IGSF23: variants seen among roughly 807,000 people sequenced by gnomAD.
IGSF23 encodes immunoglobulin superfamily, member 23.
A neutral mutation model predicts 17.8 loss-of-function variants in IGSF23; 14 were observed. That is an observed-to-expected ratio of 0.79 (90% CI 0.52 to 1.23). IGSF23 has a LOEUF of 1.23. Ranked by LOEUF, IGSF23 falls within the 50% of genes most tolerant of loss-of-function variation. The pLI, the probability that IGSF23 is intolerant of heterozygous loss-of-function variation, is 0.00. For missense variants in IGSF23, 214 were observed against 241.7 expected (o/e 0.89, Z 0.76); for synonymous variants, 85 against 92.5 (o/e 0.92, Z 0.46).
chr19:44,629,087 T>C (rs529769668), intron 3 of IGSF23, among the ~76,000 whole-genome samples: 8 of 151,382 alleles, frequency 5.3e-5, no homozygotes, highest in African/African-American at 1.9e-4. Context: ...AGAGAGGGAG[T>C]AGGGAGGCAG....
intron 1 of IGSF23, among the ~76,000 whole-genome samples, chr19:44,615,911 C>CGGGGGG (rs11423421): frequency 1.3e-5 from 1 of 77,540 alleles, no homozygotes; most frequent in Non-Finnish European, 2.6e-5. Flanking sequence ...TTCCTGGGGG[C>CGGGGGG]GGGAGGGTGG....
In IGSF23 at chr19:44,613,758, C is replaced by T. The variant is rs1395781513; in HGVS notation, c.113C>T (p.Pro38Leu). 5 of 1,550,510 alleles carry T rather than the reference C, an allele frequency of 3.2e-6. No homozygotes were observed. The Admixed American group carries it at 9.8e-5, about 30-fold the overall frequency. ...LEKDAAGGDF[P>L]ANLVLQLMPL... ...AAGGATGCGGCTGGAGGTGACTTCC[C>T]AGCCAACTTGGTGTAAGTCATGTGG... Residue 38 changes from proline (P) to leucine (L), a missense_variant, in exon 1 of 5, where the codon CCA (proline) becomes CTA (leucine). Physicochemically the swap from Pro to Leu is moderately conservative, Grantham distance 98. Coordinates refer to ENST00000402988, the MANE Select transcript of IGSF23 (RefSeq NM_001205280.2).
intron 2 of IGSF23, among the ~76,000 whole-genome samples, chr19:44,625,974 C>A (rs907139045): frequency 5.9e-5 from 9 of 152,180 alleles, no homozygotes; most frequent in Admixed American, 1.3e-4. Context: ...GTGAGGCCTC[C>A]CCAGCCATGT....
At position 44,635,458 on chromosome 19, in the gene IGSF23, C is replaced by T; in HGVS notation, c.*24C>T. ...GAAATGTGGGCAACTCTCCTGTCAG[C>T]TGAAGAGGTAATACCAGGAAGGGTG... On this transcript the variant is annotated 3_prime_UTR_variant, in exon 4 of 5. Transcript: ENST00000402988. The T allele has an allele frequency of 1.3e-6, 2 of 1,547,966 alleles. No individual in the cohort carries two copies. Among genetic ancestry groups the T allele is most frequent in the Non-Finnish European group, 1.7e-6 (2 of 1,145,370 alleles).
chr19:44,634,145 G>C (rs1017076684), intron 3 of IGSF23, among the ~76,000 whole-genome samples: 1 of 152,202 alleles, frequency 6.6e-6, no homozygotes, highest in African/African-American at 2.4e-5. Context: ...CTGTGGCGGG[G>C]GACAGACATT....
Position 44,635,470 on chromosome 19 carries a change from T to C in IGSF23, c.*31+5T>C, listed in dbSNP as rs1195185342. On this transcript the variant is annotated splice_donor_5th_base_variant and intron_variant, in intron 4 of 4. Coordinates refer to ENST00000402988, the MANE Select transcript of IGSF23 (RefSeq NM_001205280.2). ...ACTCTCCTGTCAGCTGAAGAGGTAA[T>C]ACCAGGAAGGGTGTGAAGGAAATCC... 1 of 1,544,174 alleles carries C rather than the reference T, an allele frequency of 6.5e-7. No homozygotes were observed.
At chr19:44,624,003 C>A (rs1403013100) in intron 2 of IGSF23, 31 bp downstream of exon 2, 2 of 1,521,524 alleles carry the variant, frequency 1.3e-6, no homozygotes, top group South Asian at 1.2e-5. Context: ...CACCCCACCC[C>A]ACCCAAGAGC....
chr19:44,633,034 G>A (rs755932058), intron 3 of IGSF23, among the ~76,000 whole-genome samples: 10 of 152,332 alleles, frequency 6.6e-5, no homozygotes, highest in Non-Finnish European at 1.0e-4. Context: ...AGTATAGGGC[G>A]TCTGGAAAAC....
At chr19:44,635,355 T>A (rs1351603509) in intron 3 of IGSF23, 46 bp from the exon 4 acceptor site, 3 of 1,346,040 alleles carry the variant, frequency 2.2e-6, no homozygotes, top group Non-Finnish European at 3.1e-6. Context: ...TTATTCTCTC[T>A]CTCTCTCTCT....
intron 2 of IGSF23, 42 bp from the exon 3 acceptor site, chr19:44,627,377 CG>C: frequency 6.9e-7 from 1 of 1,458,022 alleles, no homozygotes; most frequent in African/African-American, 1.4e-5. Flanking sequence ...ACAGGGAGGG[CG>C]GGCAGATGGC....
intron 3 of IGSF23, 31 bp from the exon 4 acceptor site, chr19:44,635,370 C>G (rs73936832): frequency 5.6e-6 from 5 of 898,490 alleles, no homozygotes; most frequent in Admixed American, 3.1e-5. Context: ...CTCTCTCTCT[C>G]TCTCTGTCTC....
rs977839532 is a variant in IGSF23, at chr19:44,623,966, C to T, written c.385C>T (p.Leu129=). The T allele has an allele frequency of 3.2e-6, 5 of 1,548,418 alleles. No homozygotes were observed. The African/African-American group carries it at 5.5e-5, about 17-fold the overall frequency. The change falls in exon 2 of 5, where the codon CTG becomes TTG. Residue 129 remains leucine (L), a synonymous_variant. Coordinates refer to ENST00000402988, the MANE Select transcript of IGSF23 (RefSeq NM_001205280.2). ...GGTCTCTGAGCCTGTAACCATCTCG[C>T]TGCCAAGTGAGTCCCCCATTCCACC... ...QLVSEPVTIS[L]PKPIMQPTEA...
At position 44,613,785 on chromosome 19, in the gene IGSF23, G is replaced by T; in HGVS notation, c.125+15G>T. ...GCCAACTTGGTGTAAGTCATGTGGG[G>T]AAGTGGCCAGGGTAGGGCATGGTCA... On this transcript the variant is annotated intron_variant, in intron 1 of 4. Coordinates refer to ENST00000402988, the MANE Select transcript of IGSF23 (RefSeq NM_001205280.2). 1.9e-6 allele frequency: 3 copies of T among 1,550,320 alleles called. No individual in the cohort carries two copies. The highest frequency in any genetic ancestry group is 2.6e-6 in the Non-Finnish European group (3 of 1,146,834).
intron 1 of IGSF23, 117 bp downstream of exon 1, chr19:44,613,887 T>C: frequency 1.3e-6 from 2 of 1,548,900 alleles, no homozygotes; most frequent in African/African-American, 2.7e-5. Flanking sequence ...CCATGTGTGA[T>C]GAGGAGACCT....
At position 44,632,819 on chromosome 19, in the gene IGSF23, T is replaced by C. The variant is rs183302151; in HGVS notation, c.546-2582T>C. Among the ~76,000 whole-genome samples the C allele has an allele frequency of 4.6e-5, 7 of 152,374 alleles. 1 individual carries two copies. Among genetic ancestry groups the C allele is most frequent in the African/African-American group, 1.4e-4 (6 of 41,598 alleles). On this transcript the variant is annotated intron_variant, in intron 3 of 4. Transcript: ENST00000402988. ...TTAAAGTTAATAATGCTAGACTCAATTGTGTATGGGCTGTCCCATAATCCC... is the reference window on the plus strand; with the variant it reads ...TTAAAGTTAATAATGCTAGACTCAACTGTGTATGGGCTGTCCCATAATCCC...
intron 2 of IGSF23, among the ~76,000 whole-genome samples, chr19:44,626,179 A>G (rs1568488549): frequency 6.6e-6 from 1 of 152,120 alleles, no homozygotes. Context: ...GAGCTGGGAC[A>G]TGGAAATGGA....
chr19:44,617,819 A>G (rs1224825475), intron 1 of IGSF23, among the ~76,000 whole-genome samples: 1 of 152,148 alleles, frequency 6.6e-6, no homozygotes, highest in Non-Finnish European at 1.5e-5. Flanking sequence ...AGCCAACTGT[A>G]GGACTAATCC....
chr19:44,617,948 C>T (rs1275860620), intron 1 of IGSF23: 1 of 366,658 alleles, frequency 2.7e-6, no homozygotes, highest in Non-Finnish European at 5.5e-6. Context: ...GTCAGCCTTT[C>T]AGGCAGCAGA....
intron 3 of IGSF23, among the ~76,000 whole-genome samples, chr19:44,634,518 T>G (rs1396966189): frequency 6.6e-6 from 1 of 152,212 alleles, no homozygotes; most frequent in Admixed American, 6.5e-5. Context: ...AATCACCTTC[T>G]CTTCTAGCTT....
Sources: allele counts gnomAD v4.1 joint callset (sites outside exome capture counted in the v4.1 genomes callset), GRCh38; gene constraint gnomAD v4.1.1; transcripts MANE v1.5; gene names NCBI Gene and HGNC (gene_info 2026-07-23, HGNC 2026-07-21).